Variants in AFAP1L2 observed in about 807,000 individuals in gnomAD.
AFAP1L2 encodes the protein actin filament associated protein 1 like 2, also known as actin filament-associated protein 1-like 2.
In AFAP1L2, 46 loss-of-function variants were observed where a neutral mutation model predicts 99.3. The ratio of observed to expected loss-of-function variants is 0.46; its 90% CI spans 0.37 to 0.59. The LOEUF is 0.59. Ranked by LOEUF, AFAP1L2 falls within the 20% of genes least tolerant of loss-of-function variation. The pLI is 0.00. For missense variants in AFAP1L2, 959 were observed against 1,034.9 expected (o/e 0.93, Z 1.01); for synonymous variants, 397 against 419.1 (o/e 0.95, Z 0.64).
chr10:114,303,650 C>T (rs912297031), intron 11 of AFAP1L2, among the ~76,000 whole-genome samples: 3 of 152,166 alleles, frequency 2.0e-5, no homozygotes. Context: ...TTTTCATGGG[C>T]CTCCCCTAGT....
chr10:114,387,362 A>G (rs1400833385), intron 1 of AFAP1L2, among the ~76,000 whole-genome samples: 1 of 152,192 alleles, frequency 6.6e-6, no homozygotes, highest in Non-Finnish European at 1.5e-5. Flanking sequence ...TTCCACACTG[A>G]TGGGGTCAGA....
chr10:114,369,391 C>T (rs937474526), intron 1 of AFAP1L2, among the ~76,000 whole-genome samples: 1 of 152,024 alleles, frequency 6.6e-6, no homozygotes, highest in African/African-American at 2.4e-5. Context: ...GTCAGGAGAT[C>T]GAGACCATCC....
chr10:114,393,011 C>G (rs1238899586), intron 1 of AFAP1L2, among the ~76,000 whole-genome samples: 3 of 152,144 alleles, frequency 2.0e-5, no homozygotes, highest in African/African-American at 7.2e-5. Context: ...CATCTCCTTT[C>G]CCCCAACACG....
intron 1 of AFAP1L2, 37 bp from the exon 2 acceptor site, chr10:114,340,768 C>T (rs1198914319): frequency 6.2e-7 from 1 of 1,612,932 alleles, no homozygotes; most frequent in Non-Finnish European, 8.5e-7. Context: ...ATAGTGGCTG[C>T]CCGCTCTCCA....
chr10:114,281,433 T>C, the AFAP1L2 span, among the ~76,000 whole-genome samples: 1 of 152,214 alleles, frequency 6.6e-6, no homozygotes, highest in East Asian at 1.9e-4. Flanking sequence ...CCGGTAATTA[T>C]GTGACCTCAG....
chr10:114,375,529 T>C (rs142694298), intron 1 of AFAP1L2, among the ~76,000 whole-genome samples: 4 of 152,230 alleles, frequency 2.6e-5, no homozygotes, highest in African/African-American at 7.2e-5. Context: ...GGAGTGGAAA[T>C]TTTTTTTAGT....
At chr10:114,361,685 T>A (rs1201792128) in intron 1 of AFAP1L2, among the ~76,000 whole-genome samples, 1 of 152,152 alleles carries the variant, frequency 6.6e-6, no homozygotes, top group Non-Finnish European at 1.5e-5. Flanking sequence ...GCCAGCTACA[T>A]CGTTGTGCTT....
At chr10:114,310,251 A>T in intron 8 of AFAP1L2, 103 bp downstream of exon 8, 1 of 1,188,312 alleles carries the variant, frequency 8.4e-7, no homozygotes, top group Non-Finnish European at 1.2e-6. Context: ...GTTTCTTATT[A>T]ATTGGACTGA....
At chr10:114,404,605 G>C (rs1236788622), upstream of AFAP1L2, 1 of 1,172,862 alleles carries the variant, frequency 8.5e-7, no homozygotes, top group Admixed American at 4.3e-5. Flanking sequence ...CAGGGTCCTC[G>C]GACCTGGCCC....
Position 114,300,501 on chromosome 10 carries a change from G to A in AFAP1L2, c.1732C>T (p.Pro578Ser), listed in dbSNP as rs769639559. ...CAGGGCTCATCTGGGGTGGGACCTG[G>A]GCCTGAGTCTGCCGGGAGGGCCTCA... ...ATEALPADSG[P>S]GPTPDEPCIK... The change falls in exon 14 of 19, where the codon CCA (proline) becomes TCA (serine). Residue 578 changes from proline to serine, a missense_variant. Physicochemically the swap from Pro to Ser is moderately conservative, Grantham distance 74 (BLOSUM62 -1). This residue lies in a region of AFAP1L2 where 576 missense variants were observed against 562.1 expected (regional missense o/e 1.02). Transcript: ENST00000304129. The A allele has an allele frequency of 1.2e-6, 2 of 1,614,154 alleles. No homozygotes were observed. The highest frequency in any genetic ancestry group is 1.3e-5 in the African/African-American group (1 of 75,018).
intron 1 of AFAP1L2, among the ~76,000 whole-genome samples, chr10:114,384,178 G>A (rs1217791105): frequency 2.6e-5 from 4 of 152,198 alleles, no homozygotes; most frequent in African/African-American, 4.8e-5. Context: ...AAGGCAGTGC[G>A]TGAGAGGCAC....
In AFAP1L2 at chr10:114,301,267, A is replaced by T. The variant is rs928972293; in HGVS notation, c.1542+87T>A. The T allele has an allele frequency of 3.6e-5, 40 of 1,107,370 alleles. No homozygotes were observed. In the Middle Eastern group the frequency reaches 8.2e-4, roughly 23 times the overall value. 68.6% of individuals were successfully genotyped at this position (1,107,370 alleles called of 1,614,324 possible). On this transcript the variant is annotated intron_variant, in intron 13 of 18. Coordinates refer to ENST00000304129, the MANE Select transcript of AFAP1L2 (RefSeq NM_001001936.3). ...AACCCACTCATCTCATCTCAGGGAT[A>T]CTCTAATGATCTCTGGCATCCAGGT...
At chr10:114,383,216 G>T (rs1327827936) in intron 1 of AFAP1L2, among the ~76,000 whole-genome samples, 1 of 152,228 alleles carries the variant, frequency 6.6e-6, no homozygotes, top group Non-Finnish European at 1.5e-5. Flanking sequence ...GCAAGGGCAG[G>T]TGAATGAACC....
At chr10:114,286,539 C>T in the AFAP1L2 span, 165 of 1,513,898 alleles carry the variant, frequency 1.1e-4, no homozygotes, top group African/African-American at 1.1e-3. Flanking sequence ...GACCCAGGAC[C>T]GCTGGTCAGT....
At chr10:114,383,367 C>T (rs961354601) in intron 1 of AFAP1L2, among the ~76,000 whole-genome samples, 4 of 151,050 alleles carry the variant, frequency 2.6e-5, no homozygotes, top group African/African-American at 7.3e-5. Context: ...AGGGAGGGAA[C>T]ACAAGAAGGG....
At chr10:114,388,135 G>A (rs933328194) in intron 1 of AFAP1L2, among the ~76,000 whole-genome samples, 4 of 152,166 alleles carry the variant, frequency 2.6e-5, no homozygotes, top group African/African-American at 9.7e-5. Context: ...ACCTGGCGGT[G>A]ACTTACCCAT....
At chr10:114,299,465 G>T in intron 15 of AFAP1L2, 50 bp from the exon 16 acceptor site, 1 of 1,606,644 alleles carries the variant, frequency 6.2e-7, no homozygotes, top group Non-Finnish European at 8.5e-7. Flanking sequence ...GGATCATGAG[G>T]GCTGTCCCCA....
At chr10:114,290,188 G>C (rs1051973713), downstream of AFAP1L2, 39 of 1,542,002 alleles carry the variant, frequency 2.5e-5, no homozygotes, top group Middle Eastern at 1.7e-4. Flanking sequence ...AGGGGTCTTC[G>C]GGTCTAACCC....
intron 1 of AFAP1L2, among the ~76,000 whole-genome samples, chr10:114,365,496 T>C (rs954510355): frequency 2.4e-4 from 36 of 152,090 alleles, no homozygotes; most frequent in African/African-American, 8.7e-4. Context: ...TAGAAACAAA[T>C]AATATCTAGG....
Sources: allele counts gnomAD v4.1 joint callset (sites outside exome capture counted in the v4.1 genomes callset), GRCh38; gene constraint gnomAD v4.1.1; regional missense constraint gnomAD v4.1.1; transcripts MANE v1.5; gene names NCBI Gene and HGNC (gene_info 2026-07-23, HGNC 2026-07-21).